The following PIK3C3 variants were observed in gnomAD, a reference collection of about 807,000 sequenced individuals.
PIK3C3 encodes PI3-kinase type 3.
Under a neutral mutation model 126.1 loss-of-function variants are expected in PIK3C3, and 95 were observed. The observed-to-expected ratio is 0.75, with a 90% CI of 0.64 to 0.89. The LOEUF (loss-of-function observed/expected upper bound fraction) is 0.89. PIK3C3 is among the 40% of genes least tolerant of loss of function. The pLI is 0.00. For synonymous variants in PIK3C3, 374 were observed against 360.0 expected (o/e 1.04, Z -0.44); for missense variants, 829 against 1,063.2 (o/e 0.78, Z 3.06).
At chr18:42,006,531 C>T (rs1476203967) in intron 10 of PIK3C3, among the ~76,000 whole-genome samples, 1 of 152,116 alleles carries the variant, frequency 6.6e-6, no homozygotes, top group Non-Finnish European at 1.5e-5. Context: ...CTCAGCCAAC[C>T]CCCATCTTTA....
rs1316839864 is a variant in PIK3C3 at position 42,082,764 on chromosome 18, T to A, written c.*1627T>A. On this transcript the variant is annotated 3_prime_UTR_variant, in exon 25 of 25. Transcript: ENST00000262039. ...CTTTAATGGGCTAAGAAAGTAAATA[T>A]CTTCAGCTTTGGGGGGCATATGATC... 3 of 152,206 alleles carry A rather than the reference T, an allele frequency of 2.0e-5. No individual in the cohort carries two copies. Among genetic ancestry groups the A allele is most frequent in the Non-Finnish European group, 2.9e-5 (2 of 68,040 alleles). 9.4% of individuals were successfully genotyped at this position (152,206 alleles called of 1,614,324 possible). A position where few individuals can be genotyped will look rare whatever the true frequency, so the allele number is the denominator to read the frequency against.
At chr18:42,064,384 C>G (rs1568007756) in intron 22 of PIK3C3, among the ~76,000 whole-genome samples, 1 of 152,108 alleles carries the variant, frequency 6.6e-6, no homozygotes, top group Non-Finnish European at 1.5e-5. Flanking sequence ...CTAGCAAAAA[C>G]AGATAGATTT....
At chr18:42,056,039 G>A (rs1000655420) in intron 21 of PIK3C3, among the ~76,000 whole-genome samples, 3 of 151,772 alleles carry the variant, frequency 2.0e-5, no homozygotes, top group Non-Finnish European at 4.4e-5. Flanking sequence ...TGTTTAAGGT[G>A]GTAGATTCGA....
At chr18:41,991,901 T>G (rs1981797136) in intron 6 of PIK3C3, among the ~76,000 whole-genome samples, 1 of 152,158 alleles carries the variant, frequency 6.6e-6, no homozygotes, top group Non-Finnish European at 1.5e-5. Context: ...CACCAGTGCA[T>G]TTTAATAAAA....
intron 15 of PIK3C3, among the ~76,000 whole-genome samples, chr18:42,031,611 G>A (rs1373389526): frequency 1.3e-5 from 2 of 152,006 alleles, no homozygotes; most frequent in Non-Finnish European, 2.9e-5. Context: ...AAGATGGGGG[G>A]GTTTCACTCT....
In PIK3C3 at chr18:41,990,458, G is replaced by C; in HGVS notation, c.619-1G>C. On this transcript the variant is annotated splice_acceptor_variant, in intron 5 of 24. Coordinates refer to ENST00000262039, the MANE Select transcript of PIK3C3 (RefSeq NM_002647.4). LOFTEE classifies it high-confidence loss of function. ...TTCATGAAAATCATTTTTTTTTTCA[G>C]AGTGAAAAACGAAGTTCTAATTTCA... 6.6e-7 allele frequency: 1 copy of C among 1,519,280 alleles called. No homozygotes were observed. Among genetic ancestry groups the C allele is most frequent in the Non-Finnish European group, 9.1e-7 (1 of 1,099,140 alleles). 94.1% of individuals were successfully genotyped at this position (1,519,280 alleles called of 1,614,324 possible). A position where few individuals can be genotyped will look rare whatever the true frequency, so the allele number is the denominator to read the frequency against.
chr18:42,064,430 A>T (rs898348579), intron 22 of PIK3C3, among the ~76,000 whole-genome samples: 3 of 152,188 alleles, frequency 2.0e-5, no homozygotes, highest in African/African-American at 7.2e-5. Context: ...CATAAAGTAG[A>T]TCTTCCTCAG....
intron 24 of PIK3C3, among the ~76,000 whole-genome samples, chr18:42,073,151 T>A (rs925420147): frequency 6.6e-6 from 1 of 152,208 alleles, no homozygotes; most frequent in African/African-American, 2.4e-5. Flanking sequence ...ATAGATTGGG[T>A]TCAGAAGGTT....
At chr18:41,970,900 T>C (rs908789679) in intron 4 of PIK3C3, 38 of 187,182 alleles carry the variant, frequency 2.0e-4, no homozygotes, top group Non-Finnish European at 4.1e-4. Context: ...TGGTGATATT[T>C]TCAAGATGAC....
chr18:42,071,793 C>CT (rs75760128), intron 24 of PIK3C3, among the ~76,000 whole-genome samples: 25,057 of 151,300 alleles, frequency 0.17, 2,284 homozygotes, highest in East Asian at 0.26. Context: ...AGATTCAGTT[C>CT]TTTTTTACCA....
At chr18:42,040,272 G>A (rs1397491058) in intron 18 of PIK3C3, among the ~76,000 whole-genome samples, 3 of 149,312 alleles carry the variant, frequency 2.0e-5, no homozygotes, top group Non-Finnish European at 3.0e-5. Context: ...TTTACATACA[G>A]CTTTTAGGGT....
At chr18:42,030,170 T>C (rs1056085544) in intron 15 of PIK3C3, among the ~76,000 whole-genome samples, 7 of 152,198 alleles carry the variant, frequency 4.6e-5, no homozygotes, top group African/African-American at 1.7e-4. Flanking sequence ...TCATTTAGAC[T>C]AGAATTCTTC....
At chr18:42,063,587 T>C (rs1216534311) in intron 22 of PIK3C3, among the ~76,000 whole-genome samples, 1 of 152,226 alleles carries the variant, frequency 6.6e-6, no homozygotes, top group African/African-American at 2.4e-5. Flanking sequence ...ATAATTCCTC[T>C]TGATTTTTAT....
intron 9 of PIK3C3, among the ~76,000 whole-genome samples, chr18:41,998,188 T>C (rs1353532266): frequency 6.6e-6 from 1 of 152,188 alleles, no homozygotes; most frequent in Non-Finnish European, 1.5e-5. Flanking sequence ...TTCTCCTTTA[T>C]ATCCATAATA....
intron 20 of PIK3C3, among the ~76,000 whole-genome samples, chr18:42,047,152 CAAAG>C (rs1984591950): frequency 6.6e-6 from 1 of 152,040 alleles, no homozygotes; most frequent in Admixed American, 6.6e-5. Flanking sequence ...AAACTTGAAA[CAAAG>C]TAAATAGTGA....
chr18:42,063,923 T>C (rs1265097951), intron 22 of PIK3C3, among the ~76,000 whole-genome samples: 1 of 152,132 alleles, frequency 6.6e-6, no homozygotes, highest in Non-Finnish European at 1.5e-5. Context: ...AGATCAAACC[T>C]GAATCTCTTT....
chr18:42,024,802 CT>C (rs1555635831), intron 13 of PIK3C3, among the ~76,000 whole-genome samples: 4 of 145,104 alleles, frequency 2.8e-5, no homozygotes, highest in Admixed American at 6.9e-5. Flanking sequence ...TATTTTTTTT[CT>C]TTTTTTTTTC....
chr18:42,081,234 G>T lies in PIK3C3; in HGVS notation c.*97G>T. 1.4e-6 allele frequency: 1 copy of T among 734,718 alleles called. No homozygotes were observed. Among genetic ancestry groups the T allele is most frequent in the African/African-American group, 1.8e-5 (1 of 55,524 alleles). 45.5% of individuals were successfully genotyped at this position (734,718 alleles called of 1,614,324 possible). On this transcript the variant is annotated 3_prime_UTR_variant, in exon 25 of 25. Coordinates refer to ENST00000262039, the MANE Select transcript of PIK3C3 (RefSeq NM_002647.4). ...AGACTTCAGAGTAACCAGCAAGGAA[G>T]AGAAATCTTAATCTTCAAGTTACCA...
At chr18:41,982,172 C>T (rs890970281) in intron 4 of PIK3C3, among the ~76,000 whole-genome samples, 6 of 152,064 alleles carry the variant, frequency 3.9e-5, no homozygotes, top group African/African-American at 1.4e-4. Context: ...GCATTAGAGT[C>T]AAAAGAGTTA....
Sources: allele counts gnomAD v4.1 joint callset (sites outside exome capture counted in the v4.1 genomes callset), GRCh38; gene constraint gnomAD v4.1.1; transcripts MANE v1.5; gene names NCBI Gene and HGNC (gene_info 2026-07-23, HGNC 2026-07-21).